Variants in GRXCR2 observed in about 807,000 individuals in gnomAD.
GRXCR2 encodes the protein glutaredoxin and cysteine rich domain containing 2.
Under a neutral mutation model 24.8 loss-of-function variants are expected in GRXCR2, and 23 were observed. The observed-to-expected ratio is 0.93, with a 90% CI of 0.67 to 1.32. GRXCR2 has a LOEUF of 1.32. GRXCR2 is among the 40% of genes most tolerant of loss of function. GRXCR2 has a pLI of 0.00. For synonymous variants in GRXCR2, 130 were observed against 116.1 expected (o/e 1.12, Z -0.77); for missense variants, 315 against 303.4 (o/e 1.04, Z -0.28).
chr5:145,911,620 GTGGA>G (rs1372170962), intron 2 of GRXCR2, among the ~76,000 whole-genome samples: 1 of 152,154 alleles, frequency 6.6e-6, no homozygotes, highest in African/African-American at 2.4e-5. Flanking sequence ...CACTGAGCAG[GTGGA>G]ACTCAGATAT....
intron 2 of GRXCR2, among the ~76,000 whole-genome samples, chr5:145,913,286 T>C (rs1757191626): frequency 6.6e-6 from 1 of 152,166 alleles, no homozygotes; most frequent in South Asian, 2.1e-4. Context: ...AGACCCATGG[T>C]CTTCCAAATA....
intron 2 of GRXCR2, among the ~76,000 whole-genome samples, chr5:145,915,389 T>C (rs899789104): frequency 3.3e-5 from 5 of 152,172 alleles, no homozygotes; most frequent in African/African-American, 9.7e-5. Context: ...TAGGGCCCTT[T>C]GGGCTGAGAA....
chr5:145,890,386 G>A (rs746795522), intron 2 of GRXCR2, among the ~76,000 whole-genome samples: 87 of 152,132 alleles, frequency 5.7e-4, no homozygotes, highest in Non-Finnish European at 1.0e-3. Flanking sequence ...CACTGCACCT[G>A]GCAGGAATTT....
chr5:145,893,111 T>C (rs149341190), intron 2 of GRXCR2, among the ~76,000 whole-genome samples: 14,483 of 152,098 alleles, frequency 0.095, 1,674 homozygotes, highest in African/African-American at 0.28. Flanking sequence ...CAGGCCTGCC[T>C]TACAAGAGCT....
intron 2 of GRXCR2, among the ~76,000 whole-genome samples, chr5:145,915,551 G>A (rs1162118519): frequency 1.3e-5 from 2 of 152,072 alleles, no homozygotes; most frequent in African/African-American, 4.8e-5. Context: ...TTGGGAGGCC[G>A]AGGTGGGTGG....
chr5:145,882,644 CCATTT>C (rs1756719728), intron 2 of GRXCR2, among the ~76,000 whole-genome samples: 1 of 152,152 alleles, frequency 6.6e-6, no homozygotes, highest in African/African-American at 2.4e-5. Flanking sequence ...ACTAGAATTA[CCATTT>C]GACCCAGCCA....
intron 2 of GRXCR2, among the ~76,000 whole-genome samples, chr5:145,929,371 G>A (rs904873100): frequency 6.6e-6 from 1 of 151,754 alleles, no homozygotes; most frequent in Admixed American, 6.6e-5. Flanking sequence ...ATCAAAAGGT[G>A]AGAAGTGAGA....
At chr5:145,860,331 C>A (rs1450346621) in intron 2 of GRXCR2, among the ~76,000 whole-genome samples, 1 of 152,170 alleles carries the variant, frequency 6.6e-6, no homozygotes, top group African/African-American at 2.4e-5. Flanking sequence ...CCATCTAATC[C>A]TCACAAAATC....
chr5:145,876,277 T>C (rs1423975642), upstream of GRXCR2, among the ~76,000 whole-genome samples: 1 of 144,800 alleles, frequency 6.9e-6, no homozygotes, highest in East Asian at 2.0e-4. Context: ...CAATTATTAT[T>C]TTCCTTTTTT....
intron 2 of GRXCR2, among the ~76,000 whole-genome samples, chr5:145,926,784 T>C (rs1372711482): frequency 1.3e-5 from 2 of 152,232 alleles, no homozygotes; most frequent in East Asian, 2.0e-4. Context: ...GGTAGCTTGA[T>C]GGGGATGCCA....
At chr5:145,912,920 T>C (rs1050108013) in intron 2 of GRXCR2, among the ~76,000 whole-genome samples, 1 of 152,190 alleles carries the variant, frequency 6.6e-6, no homozygotes, top group African/African-American at 2.4e-5. Flanking sequence ...TGGAAATCCA[T>C]TGAAAGGTTT....
chr5:145,881,097 G>A (rs1756693626), intron 2 of GRXCR2, among the ~76,000 whole-genome samples: 1 of 152,204 alleles, frequency 6.6e-6, no homozygotes, highest in Admixed American at 6.5e-5. Context: ...AAAGCTGGAA[G>A]CATTCCCTTT....
intron 2 of GRXCR2, among the ~76,000 whole-genome samples, chr5:145,896,444 C>A (rs1164371765): frequency 2.0e-5 from 3 of 152,080 alleles, no homozygotes; most frequent in African/African-American, 4.8e-5. Flanking sequence ...AAGAAAAAAA[C>A]AAACAACCCC....
intron 2 of GRXCR2, among the ~76,000 whole-genome samples, chr5:145,921,632 C>A (rs1485334274): frequency 1.3e-5 from 2 of 152,180 alleles, no homozygotes; most frequent in Non-Finnish European, 2.9e-5. Context: ...GGAGACCTAG[C>A]AACATTCAAT....
At chr5:145,901,272 T>G (rs923307587) in intron 2 of GRXCR2, among the ~76,000 whole-genome samples, 3 of 152,064 alleles carry the variant, frequency 2.0e-5, no homozygotes, top group African/African-American at 7.2e-5. Flanking sequence ...AAGTATATTA[T>G]GCACATGTAC....
upstream of GRXCR2, among the ~76,000 whole-genome samples, chr5:145,876,158 C>T (rs1756609862): frequency 6.9e-6 from 1 of 144,556 alleles, no homozygotes; most frequent in Admixed American, 7.0e-5. Context: ...CAAAGTGAGA[C>T]CCTATCTCTT....
At chr5:145,885,093 GT>G (rs1756759086) in intron 2 of GRXCR2, among the ~76,000 whole-genome samples, 2 of 129,896 alleles carry the variant, frequency 1.5e-5, no homozygotes, top group African/African-American at 3.0e-5. Flanking sequence ...GCATGTGTGT[GT>G]GTCTGTGTGT....
intron 2 of GRXCR2, among the ~76,000 whole-genome samples, chr5:145,920,501 T>C (rs1188293724): frequency 6.6e-6 from 1 of 152,212 alleles, no homozygotes; most frequent in Non-Finnish European, 1.5e-5. Context: ...AGAAGGAACC[T>C]GAGTCTCAAA....
At chr5:145,909,320 T>C (rs1196883455) in intron 2 of GRXCR2, among the ~76,000 whole-genome samples, 2 of 127,998 alleles carry the variant, frequency 1.6e-5, no homozygotes, top group Non-Finnish European at 3.2e-5. Flanking sequence ...TAGTAAATAG[T>C]AAAGAATGTA....
Sources: gnomAD v4.1 joint callset for allele counts (sites outside exome capture counted in the v4.1 genomes callset) on GRCh38, gnomAD v4.1.1 for gene constraint, MANE v1.5 for transcripts, NCBI Gene and HGNC (gene_info 2026-07-23, HGNC 2026-07-21) for gene names.